AQP2: variants seen among roughly 807,000 people sequenced by gnomAD.
AQP2 encodes aquaporin 2, also known as aquaporin-2.
A neutral mutation model predicts 21.6 loss-of-function variants in AQP2; 20 were observed. The ratio of observed to expected loss-of-function variants is 0.92; its 90% CI spans 0.65 to 1.34. The LOEUF (loss-of-function observed/expected upper bound fraction) is 1.34. Ranked by LOEUF, AQP2 falls within the 40% of genes most tolerant of loss-of-function variation. The pLI is 0.00. For missense variants in AQP2, 325 were observed against 363.4 expected (o/e 0.89, Z 0.86); for synonymous variants, 168 against 166.9 (o/e 1.01, Z -0.05).
intron 1 of AQP2, among the ~76,000 whole-genome samples, chr12:49,953,823 G>C (rs1016931738): frequency 6.6e-5 from 10 of 152,182 alleles, no homozygotes; most frequent in African/African-American, 7.2e-5. Flanking sequence ...TTCCCTTCTT[G>C]TTCTTTGGGA....
intron 2 of AQP2, 41 bp from the exon 3 acceptor site, chr12:49,954,589 C>G: frequency 6.2e-7 from 1 of 1,607,356 alleles, no homozygotes; most frequent in South Asian, 1.1e-5. Flanking sequence ...CTGCCCTGTC[C>G]TCACCTCCCT....
intron 3 of AQP2, among the ~76,000 whole-genome samples, chr12:49,955,095 A>T (rs891590631): frequency 6.6e-6 from 1 of 152,160 alleles, no homozygotes; most frequent in African/African-American, 2.4e-5. Flanking sequence ...CAACCACCCC[A>T]GGAGGTAGAC....
rs149742362 is a variant in AQP2, at chr12:49,957,960, C to T, written c.*2352C>T. The T allele has an allele frequency of 5.3e-5, 8 of 152,322 alleles. No individual in the cohort carries two copies. The highest frequency in any genetic ancestry group is 1.9e-4 in the African/African-American group (8 of 41,576). The allele number at this position is 152,322 out of a possible 1,614,324, so 9.4% of individuals were successfully genotyped here. A position where few individuals can be genotyped will look rare whatever the true frequency, so the allele number is the denominator to read the frequency against. The stretch of plus-strand genomic sequence containing the variant: ...CCAAAAACTAAATGTGAAATCCCTA[C>T]CATTTCTAGCCTCTATTGCCCAGAT... On this transcript the variant is annotated 3_prime_UTR_variant, in exon 4 of 4. Transcript: ENST00000199280.
At chr12:49,952,355 G>A (rs940928920) in intron 1 of AQP2, among the ~76,000 whole-genome samples, 3 of 152,146 alleles carry the variant, frequency 2.0e-5, no homozygotes, top group African/African-American at 4.8e-5. Context: ...TGATCCACCC[G>A]CCTCAGCCTC....
Position 49,954,244 on chromosome 12 carries a change from T to C in AQP2, c.450T>C (p.Asp150=), listed in dbSNP as rs770932012. The stretch of plus-strand genomic sequence containing the variant: ...TGCTCTGCATCTTCGCCTCCACCGA[T>C]GAGCGCCGCGGAGAGAACCCGGGCA... ...QLVLCIFAST[D]ERRGENPGTP... Residue 150 remains aspartate (D), a synonymous_variant, in exon 2 of 4, where the codon GAT becomes GAC. Coordinates refer to ENST00000199280, the MANE Select transcript of AQP2 (RefSeq NM_000486.6). The C allele has an allele frequency of 1.2e-6, 2 of 1,606,520 alleles. No homozygotes were observed. Among genetic ancestry groups the C allele is most frequent in the Admixed American group, 1.7e-5 (1 of 60,006 alleles).
Position 49,954,665 on chromosome 12 carries a change from C to G in AQP2, c.561C>G (p.Arg187=). The G allele has an allele frequency of 6.2e-7, 1 of 1,614,238 alleles. No homozygotes were observed. The highest frequency in any genetic ancestry group is 1.6e-4 in the Middle Eastern group (1 of 6,062). The change falls in exon 3 of 4, where the codon CGC becomes CGG. Residue 187 remains arginine, a synonymous_variant. Coordinates refer to ENST00000199280, the MANE Select transcript of AQP2 (RefSeq NM_000486.6). ...HYTGCSMNPA[R]SLAPAVVTGK... The stretch of plus-strand genomic sequence containing the variant: ...CCGGCTGCTCTATGAATCCTGCCCG[C>G]TCCCTGGCTCCAGCTGTCGTCACTG...
Position 49,955,646 on chromosome 12 carries a change from G to T in AQP2, c.*38G>T. The T allele has an allele frequency of 6.5e-7, 1 of 1,534,160 alleles. No homozygotes were observed. The highest frequency in any genetic ancestry group is 2.0e-5 in the Admixed American group (1 of 51,086). On this transcript the variant is annotated 3_prime_UTR_variant, in exon 4 of 4. Transcript: ENST00000199280. ...GCCTCTACGGCCCCGACGGACGCTT[G>T]TGAGGCCCGAGGCAGAAGGGCCCAC... is the stretch of plus-strand genomic sequence containing the variant.
chr12:49,953,317 G>A (rs928467151), intron 1 of AQP2, among the ~76,000 whole-genome samples: 1 of 152,352 alleles, frequency 6.6e-6, no homozygotes, highest in East Asian at 1.9e-4. Context: ...TCCACCCAGT[G>A]CAGTGCCCAG....
In AQP2 at chr12:49,956,699, T is replaced by A. The variant is rs1035962828; in HGVS notation, c.*1091T>A. On this transcript the variant is annotated 3_prime_UTR_variant, in exon 4 of 4. Coordinates refer to ENST00000199280, the MANE Select transcript of AQP2 (RefSeq NM_000486.6). ...AGCCCTCTTGCCCAGCACACACCTATGGCTGGCTGGGCAAGGCGCTCAGGC... is the reference window on the plus strand; with the variant it reads ...AGCCCTCTTGCCCAGCACACACCTAAGGCTGGCTGGGCAAGGCGCTCAGGC... 1 of 152,238 alleles carries A rather than the reference T, an allele frequency of 6.6e-6. No homozygotes were observed. Among genetic ancestry groups the A allele is most frequent in the East Asian group, 1.9e-4 (1 of 5,194 alleles). 9.4% of individuals were successfully genotyped at this position (152,238 alleles called of 1,614,324 possible). A position where few individuals can be genotyped will look rare whatever the true frequency, so the allele number is the denominator to read the frequency against.
At chr12:49,951,321 G>C in intron 1 of AQP2, 131 bp downstream of exon 1, 1 of 1,330,766 alleles carries the variant, frequency 7.5e-7, no homozygotes, top group Non-Finnish European at 1.0e-6. Context: ...AGAGAGGCTG[G>C]AGCCAGGAAC....
At position 49,952,956 on chromosome 12, in the gene AQP2, T is replaced by C. The variant is rs545511634; in HGVS notation, c.361-1199T>C. Among the ~76,000 whole-genome samples the C allele has an allele frequency of 1.7e-4, 26 of 152,256 alleles. No individual in the cohort carries two copies. In the East Asian group the frequency reaches 4.1e-3, roughly 24 times the overall value. The stretch of plus-strand genomic sequence containing the variant: ...AACGCTATAAGGGAAATTCTGTGGT[T>C]CCCCCTATGGTGAGTGGCAAATTGA... On this transcript the variant is annotated intron_variant, in intron 1 of 3. Transcript: ENST00000199280.
At position 49,954,633 on chromosome 12, in the gene AQP2, C is replaced by T. The variant is rs1214386015; in HGVS notation, c.529C>T (p.His177Tyr). Residue 177 changes from histidine (H) to tyrosine (Y), a missense_variant, in exon 3 of 4, where the codon CAT (histidine) becomes TAT (tyrosine). His to Tyr is a moderately conservative substitution (Grantham distance 83). Coordinates refer to ENST00000199280, the MANE Select transcript of AQP2 (RefSeq NM_000486.6). ...TGATGCCCTCCTCCCACTGCAGATCCATTACACCGGCTGCTCTATGAATCC... is the reference window on the plus strand; with the variant it reads ...TGATGCCCTCCTCCCACTGCAGATCTATTACACCGGCTGCTCTATGAATCC... ...SVALGHLLGI[H>Y]YTGCSMNPAR... 4 of 1,614,096 alleles carry T rather than the reference C, an allele frequency of 2.5e-6. No homozygotes were observed. The highest frequency in any genetic ancestry group is 2.7e-5 in the African/African-American group (2 of 74,930).
At chr12:49,951,245 T>TA in intron 1 of AQP2, 55 bp downstream of exon 1, 4 of 1,549,242 alleles carry the variant, frequency 2.6e-6, no homozygotes, top group Non-Finnish European at 3.5e-6. Flanking sequence ...GAATCCCTTG[T>TA]AAAGGATGAG....
At chr12:49,952,465 T>A (rs1324511252) in intron 1 of AQP2, among the ~76,000 whole-genome samples, 2 of 152,142 alleles carry the variant, frequency 1.3e-5, no homozygotes, top group African/African-American at 2.4e-5. Flanking sequence ...AAGGAAAGGC[T>A]AGGTGGGCAA....
At position 49,956,273 on chromosome 12, in the gene AQP2, C is replaced by T. The variant is rs893248234; in HGVS notation, c.*665C>T. On this transcript the variant is annotated 3_prime_UTR_variant, in exon 4 of 4. Transcript: ENST00000199280. The stretch of plus-strand genomic sequence containing the variant: ...TGAAGGGAGGGCCTTGATTTCCAGC[C>T]GCAATCTGGCTCCTCCTGGAAAATT... The T allele has an allele frequency of 6.6e-6, 1 of 152,574 alleles. No homozygotes were observed. Among genetic ancestry groups the T allele is most frequent in the African/African-American group, 2.4e-5 (1 of 41,438 alleles). 9.5% of individuals were successfully genotyped at this position (152,574 alleles called of 1,614,324 possible).
rs771955610 is a variant in AQP2 at position 49,955,560 on chromosome 12, G to C, written c.768G>C (p.Ser256=). The change falls in exon 4 of 4, where the codon TCG becomes TCC. Residue 256 remains serine (S), a synonymous_variant. Transcript: ENST00000199280. ...AGCGCGAGGTGCGACGGCGGCAGTC[G>C]GTGGAGCTGCACTCGCCGCAGAGCC... is the stretch of plus-strand genomic sequence containing the variant. ...WEEREVRRRQ[S]VELHSPQSLP... The C allele has an allele frequency of 1.1e-5, 17 of 1,600,110 alleles. No homozygotes were observed. The highest frequency in any genetic ancestry group is 7.8e-5 in the South Asian group (7 of 89,828).
rs112402663 is a variant in AQP2 at position 49,952,594 on chromosome 12, T to C, written c.360+1404T>C. 6.0e-3 allele frequency among the ~76,000 whole-genome samples: 918 copies of C among 152,282 alleles called. 13 individuals carry two copies. Among genetic ancestry groups the C allele is most frequent in the African/African-American group, 0.017 (719 of 41,562 alleles). On this transcript the variant is annotated intron_variant, in intron 1 of 3. Coordinates refer to ENST00000199280, the MANE Select transcript of AQP2 (RefSeq NM_000486.6). ...GCATGACCAGGAAGTCCTTCTCTAA[T>C]AGCAGGGCACTGGGAGTGAAAGGCC...
chr12:49,954,344 C>A (rs376460719), intron 2 of AQP2, 25 bp downstream of exon 2: 5 of 1,600,282 alleles, frequency 3.1e-6, no homozygotes, highest in Non-Finnish European at 4.3e-6. Flanking sequence ...TGGGTTCCAG[C>A]CTCCCTGGAG....
At position 49,956,632 on chromosome 12, in the gene AQP2, A is replaced by T. The variant is rs1215653391; in HGVS notation, c.*1024A>T. On this transcript the variant is annotated 3_prime_UTR_variant, in exon 4 of 4. Transcript: ENST00000199280. ...TTGTCTTGGGTGAGGGGAGATTTGC[A>T]CCTAGACACTTCTTGAAAGGAGACA... The T allele has an allele frequency of 6.6e-6, 1 of 152,134 alleles. No individual in the cohort carries two copies. Among genetic ancestry groups the T allele is most frequent in the Admixed American group, 6.5e-5 (1 of 15,274 alleles). The allele number at this position is 152,134 out of a possible 1,614,324, so 9.4% of individuals were successfully genotyped here. A position where few individuals can be genotyped will look rare whatever the true frequency, so the allele number is the denominator to read the frequency against.
Sources: gnomAD v4.1 joint callset for allele counts (sites outside exome capture counted in the v4.1 genomes callset) on GRCh38, gnomAD v4.1.1 for gene constraint, MANE v1.5 for transcripts, NCBI Gene and HGNC (gene_info 2026-07-23, HGNC 2026-07-21) for gene names.